Variants in ZC2HC1B observed in about 807,000 individuals in gnomAD.
ZC2HC1B encodes the protein zinc finger C2HC domain-containing protein 1B.
A neutral mutation model predicts 31.0 loss-of-function variants in ZC2HC1B; 36 were observed. The observed-to-expected ratio is 1.16, with a 90% confidence interval of 0.89 to 1.54. The LOEUF (loss-of-function observed/expected upper bound fraction) is 1.54, where lower values mean the gene tolerates loss of function less well. Among genes scored for constraint, ZC2HC1B ranks in the 40% most tolerant of loss-of-function variants. ZC2HC1B has a pLI of 0.00. For synonymous variants in ZC2HC1B, 73 were observed against 88.0 expected, an observed-to-expected ratio of 0.83 and a Z score of 0.95; for missense variants, 260 against 268.6, an observed-to-expected ratio of 0.97 and a Z score of 0.22.
chr6:143,887,354 T>G lies in ZC2HC1B; in HGVS notation c.349+533T>G, dbSNP rs1777542338. ...TTGACGCTGTTGCCATAATTTCTCC[T>G]TTATCTTTTTTTCTTTGGCAGAACC... On this transcript the variant is annotated intron_variant, in intron 4 of 7. Coordinates refer to ENST00000237275, the MANE Select transcript of ZC2HC1B (RefSeq NM_001013623.3). This position sits in a 1 kb window ranked among gnomAD's most constrained non-coding sequence, Gnocchi z 5.1. Among the ~76,000 whole-genome samples the G allele has an allele frequency of 6.6e-6, 1 of 152,192 alleles. No homozygotes were observed. Among genetic ancestry groups the G allele is most frequent in the Non-Finnish European group, 1.5e-5 (1 of 68,020 alleles).
intron 6 of ZC2HC1B, 116 bp from the exon 7 acceptor site, chr6:143,937,533 C>CAA (rs3215583): frequency 1.8e-3 from 1,179 of 673,602 alleles, no homozygotes; most frequent in East Asian, 6.6e-3. Flanking sequence ...CACCTCCCAC[C>CAA]AAAAAAAAGG....
chr6:143,920,038 A>T (rs1777969729), intron 6 of ZC2HC1B, among the ~76,000 whole-genome samples: 1 of 152,178 alleles, frequency 6.6e-6, no homozygotes, highest in South Asian at 2.1e-4. Flanking sequence ...TTCATTTGGT[A>T]AAACTTTTAC....
intron 1 of ZC2HC1B, among the ~76,000 whole-genome samples, chr6:143,873,710 A>G (rs944820403): frequency 6.6e-6 from 1 of 152,236 alleles, no homozygotes; most frequent in Non-Finnish European, 1.5e-5. Flanking sequence ...CGAGCTGTAC[A>G]TTGGCCCCAA....
intron 6 of ZC2HC1B, among the ~76,000 whole-genome samples, chr6:143,919,872 G>T (rs150615638): frequency 6.6e-6 from 1 of 152,266 alleles, no homozygotes; most frequent in Non-Finnish European, 1.5e-5. Flanking sequence ...CAGCGCAATT[G>T]TTATCTAGGA....
intron 1 of ZC2HC1B, among the ~76,000 whole-genome samples, chr6:143,873,049 C>T (rs1777360952): frequency 6.6e-6 from 1 of 152,186 alleles, no homozygotes; most frequent in African/African-American, 2.4e-5. Flanking sequence ...AGGCAAGTCC[C>T]TTCCACCTAT....
At chr6:143,909,051 T>TTAATG (rs1777828926) in intron 6 of ZC2HC1B, among the ~76,000 whole-genome samples, 1 of 152,222 alleles carries the variant, frequency 6.6e-6, no homozygotes, top group Non-Finnish European at 1.5e-5. Flanking sequence ...TTTAGATCTG[T>TTAATG]TTATGTAATG....
chr6:143,881,971 G>T lies in ZC2HC1B; in HGVS notation c.29-2333G>T, dbSNP rs868536770. ...TAGGGACTTCTAGTTGTTTTCAGGT[G>T]AGTACTAACATCTCTCTAGTTGTAG... is the stretch of plus-strand genomic sequence containing the variant. On this transcript the variant is annotated intron_variant, in intron 1 of 7. Transcript: ENST00000237275. Among the ~76,000 whole-genome samples the T allele has an allele frequency of 5.3e-5, 8 of 152,110 alleles. No homozygotes were observed. The South Asian group carries it at 6.2e-4, about 12-fold the overall frequency.
intron 1 of ZC2HC1B, 113 bp downstream of exon 1, chr6:143,864,680 TTAAATC>T (rs1441292646): frequency 1.1e-4 from 127 of 1,180,328 alleles, no homozygotes; most frequent in Non-Finnish European, 1.4e-4. Context: ...TGTGATCCGT[TTAAATC>T]TAAGTATTGT....
At position 143,875,146 on chromosome 6, in the gene ZC2HC1B, G is replaced by T. The variant is rs141331143; in HGVS notation, c.29-9158G>T. ...CCACTGCACCTGGCCTATTCCCATT[G>T]TTTTTAAATTTTGTAGTTGAGTGAC... On this transcript the variant is annotated intron_variant, in intron 1 of 7. Transcript: ENST00000237275. 4.3e-3 allele frequency among the ~76,000 whole-genome samples: 662 copies of T among 152,222 alleles called. 3 individuals are homozygous for T. Among genetic ancestry groups the T allele is most frequent in the Non-Finnish European group, 8.4e-3 (570 of 68,004 alleles).
At chr6:143,877,253 C>T (rs1191821474) in intron 1 of ZC2HC1B, among the ~76,000 whole-genome samples, 1 of 132,674 alleles carries the variant, frequency 7.5e-6, no homozygotes, top group African/African-American at 2.9e-5. Context: ...AGTTTTTCTC[C>T]TAAAGATTTT....
At chr6:143,894,777 G>A (rs755009805) in intron 4 of ZC2HC1B, among the ~76,000 whole-genome samples, 2 of 152,122 alleles carry the variant, frequency 1.3e-5, no homozygotes, top group Non-Finnish European at 2.9e-5. Context: ...AAACTACAGG[G>A]TTGATGGCTA....
In ZC2HC1B at chr6:143,899,271, C is replaced by G. The variant is rs1227276052; in HGVS notation, c.489+580C>G. Among the ~76,000 whole-genome samples the G allele has an allele frequency of 6.6e-6, 1 of 152,172 alleles. No homozygotes were observed. The highest frequency in any genetic ancestry group is 6.5e-5 in the Admixed American group (1 of 15,276). The stretch of plus-strand genomic sequence containing the variant: ...GAGCCAGCAAACAGCACCATACAGT[C>G]GAAGGTCTCAGGTACATACTTACAA... On this transcript the variant is annotated intron_variant, in intron 5 of 7. Transcript: ENST00000237275. The surrounding 1 kb of genome is among the most constrained non-coding windows in gnomAD (Gnocchi z 5.0).
intron 1 of ZC2HC1B, among the ~76,000 whole-genome samples, chr6:143,879,824 ATT>A (rs557859315): frequency 4.7e-4 from 25 of 53,678 alleles, no homozygotes; most frequent in East Asian, 1.9e-3. Flanking sequence ...GTTGTCCCTG[ATT>A]TTTTTTTTTT....
intron 1 of ZC2HC1B, among the ~76,000 whole-genome samples, chr6:143,867,676 A>G (rs1042497837): frequency 4.6e-5 from 7 of 152,234 alleles, no homozygotes; most frequent in African/African-American, 1.4e-4. Context: ...ATAGCCAAAC[A>G]TGACAAGTGT....
chr6:143,920,977 C>T (rs1777981364), intron 6 of ZC2HC1B, among the ~76,000 whole-genome samples: 2 of 151,710 alleles, frequency 1.3e-5, no homozygotes, highest in Non-Finnish European at 2.9e-5. Context: ...CCTATTTCTC[C>T]TTTTTTGAAA....
Position 143,872,390 on chromosome 6 carries a change from G to A in ZC2HC1B, c.28+7823G>A, listed in dbSNP as rs1562336227. Among the ~76,000 whole-genome samples, 2 of 152,170 alleles carry A rather than the reference G, an allele frequency of 1.3e-5. No homozygotes were observed. Among genetic ancestry groups the A allele is most frequent in the Non-Finnish European group, 1.5e-5 (1 of 68,020 alleles). ...AACACTGTGATTAGTCAGTGCCAGA[G>A]CTCTATATGTGTCAGACTATTCTGA... is the stretch of plus-strand genomic sequence containing the variant. On this transcript the variant is annotated intron_variant, in intron 1 of 7. Transcript: ENST00000237275. This position sits in a 1 kb window ranked among gnomAD's most constrained non-coding sequence, Gnocchi z 5.5.
In ZC2HC1B at chr6:143,915,302, C is replaced by T. The variant is rs1256587851; in HGVS notation, c.598+12150C>T. 6.6e-6 allele frequency among the ~76,000 whole-genome samples: 1 copy of T among 152,192 alleles called. No individual in the cohort carries two copies. The highest frequency in any genetic ancestry group is 1.5e-5 in the Non-Finnish European group (1 of 68,024). On this transcript the variant is annotated intron_variant, in intron 6 of 7. Transcript: ENST00000237275. This position sits in a 1 kb window ranked among gnomAD's most constrained non-coding sequence, Gnocchi z 5.2. ...GCTGCCATGTGAGATATGCCTTTCA[C>T]CTTCCACCATGATTGTGTGGCCTTC...
At chr6:143,900,139 C>G (rs1373688085) in intron 5 of ZC2HC1B, among the ~76,000 whole-genome samples, 2 of 152,098 alleles carry the variant, frequency 1.3e-5, no homozygotes, top group African/African-American at 4.8e-5. Context: ...CCTGTAATCC[C>G]AGCACTTTGG....
chr6:143,893,002 GA>G (rs10580588), intron 4 of ZC2HC1B, among the ~76,000 whole-genome samples: 4,441 of 132,488 alleles, frequency 0.034, 183 homozygotes, highest in African/African-American at 0.1. Flanking sequence ...GATGAATAAA[GA>G]AAAAAAAAAA....
Sources: allele counts gnomAD v4.1 joint callset (sites outside exome capture counted in the v4.1 genomes callset), GRCh38; gene constraint gnomAD v4.1.1; non-coding constraint Gnocchi (gnomAD v3.1); transcripts MANE v1.5; gene names NCBI Gene and HGNC (gene_info 2026-07-23, HGNC 2026-07-21).